Variants in CNTNAP2 observed in about 807,000 individuals in gnomAD.
The protein encoded by CNTNAP2 is contactin-associated protein-like 2.
A neutral mutation model predicts 155.2 loss-of-function variants in CNTNAP2; 98 were observed. The ratio of observed to expected loss-of-function variants is 0.63; its 90% confidence interval spans 0.54 to 0.75. CNTNAP2 has a LOEUF of 0.75. Among genes scored for constraint, CNTNAP2 ranks in the 30% least tolerant of loss-of-function variants. CNTNAP2 has a pLI of 0.00. For missense variants in CNTNAP2, 1,727 were observed against 1,688.1 expected (o/e 1.02, Z -0.40); for synonymous variants, 651 against 631.2 (o/e 1.03, Z -0.47).
chr7:146,302,793 T>C (rs1301907521), intron 1 of CNTNAP2, among the ~76,000 whole-genome samples: 1 of 152,170 alleles, frequency 6.6e-6, no homozygotes, highest in Non-Finnish European at 1.5e-5. Flanking sequence ...ACTATGTTAT[T>C]ACTTTGCTCT....
intron 1 of CNTNAP2, among the ~76,000 whole-genome samples, chr7:146,713,774 A>G (rs1003967108): frequency 2.6e-5 from 4 of 152,120 alleles, no homozygotes; most frequent in African/African-American, 4.8e-5. Context: ...AGCCTCTAGA[A>G]GCAGTAGATT....
intron 13 of CNTNAP2, among the ~76,000 whole-genome samples, chr7:147,669,663 C>T (rs904627608): frequency 2.0e-5 from 3 of 152,164 alleles, no homozygotes; most frequent in African/African-American, 7.2e-5. Flanking sequence ...TGGAGGGGCT[C>T]TGGGTGCCCG....
chr7:146,146,605 G>T (rs1348193943), intron 1 of CNTNAP2, among the ~76,000 whole-genome samples: 1 of 151,994 alleles, frequency 6.6e-6, no homozygotes, highest in African/African-American at 2.4e-5. Flanking sequence ...AAACCACCAA[G>T]ACCACCAGGC....
chr7:146,535,801 G>C (rs1007895548), intron 1 of CNTNAP2, among the ~76,000 whole-genome samples: 1 of 151,676 alleles, frequency 6.6e-6, no homozygotes, highest in Non-Finnish European at 1.5e-5. Flanking sequence ...ATTGTCTATT[G>C]TTCCCGTATT....
At chr7:146,531,779 A>G (rs1251394897) in intron 1 of CNTNAP2, among the ~76,000 whole-genome samples, 3 of 152,134 alleles carry the variant, frequency 2.0e-5, no homozygotes, top group African/African-American at 7.2e-5. Flanking sequence ...TCCTGACCTC[A>G]GATGATCCAC....
chr7:147,335,457 C>T lies in CNTNAP2; in HGVS notation c.1498+35167C>T, dbSNP rs1048426237. Among the ~76,000 whole-genome samples, 3 of 151,960 alleles carry T rather than the reference C, an allele frequency of 2.0e-5. No homozygotes were observed. In the East Asian group the frequency reaches 5.8e-4, roughly 29 times the overall value. Reference sequence around the variant, plus strand: ...CTAATTAGGTGCTTCGTTGAGATTGCAAAGGTTTAATTTTCTGGCTTCCAG... The same window carrying T: ...CTAATTAGGTGCTTCGTTGAGATTGTAAAGGTTTAATTTTCTGGCTTCCAG... On this transcript the variant is annotated intron_variant, in intron 9 of 23. Coordinates refer to ENST00000361727, the MANE Select transcript of CNTNAP2 (RefSeq NM_014141.6).
intron 14 of CNTNAP2, among the ~76,000 whole-genome samples, chr7:147,922,975 C>A (rs1470378496): frequency 6.6e-6 from 1 of 152,020 alleles, no homozygotes; most frequent in Non-Finnish European, 1.5e-5. Flanking sequence ...GAGTTTCCAG[C>A]AAGCATCAGC....
chr7:147,602,571 G>A (rs1800971884), intron 12 of CNTNAP2, among the ~76,000 whole-genome samples: 1 of 150,712 alleles, frequency 6.6e-6, no homozygotes, highest in Non-Finnish European at 1.5e-5. Context: ...CATGTGCCAT[G>A]CTGGTGTGCT....
intron 5 of CNTNAP2, among the ~76,000 whole-genome samples, chr7:147,114,638 C>CT (rs1800948569): frequency 6.6e-6 from 1 of 152,202 alleles, no homozygotes; most frequent in African/African-American, 2.4e-5. Flanking sequence ...GCAACCCCTG[C>CT]TTTTTTCTGT....
intron 1 of CNTNAP2, among the ~76,000 whole-genome samples, chr7:146,453,804 AT>A (rs1404332445): frequency 2.0e-5 from 3 of 152,182 alleles, no homozygotes; most frequent in Non-Finnish European, 4.4e-5. Flanking sequence ...CAGCTTAGAG[AT>A]TGTAAAGATG....
At chr7:148,383,502 G>A (rs1266312868) in intron 21 of CNTNAP2, 147 bp from the exon 22 acceptor site, 17 of 1,154,572 alleles carry the variant, frequency 1.5e-5, no homozygotes, top group Admixed American at 6.2e-5. Context: ...AAATCTTATC[G>A]ACCCATTAAT....
chr7:147,300,391 A>C (rs1794924690), intron 9 of CNTNAP2, 101 bp downstream of exon 9: 2 of 1,315,110 alleles, frequency 1.5e-6, no homozygotes, highest in Admixed American at 3.9e-5. Context: ...CAACTGACTC[A>C]GTAGATCTCA....
chr7:146,842,415 GTGAT>G (rs1453815692), intron 3 of CNTNAP2, among the ~76,000 whole-genome samples: 3 of 152,080 alleles, frequency 2.0e-5, no homozygotes, highest in African/African-American at 7.3e-5. Flanking sequence ...TACGTGATGA[GTGAT>G]TATTAGTAGT....
chr7:146,299,628 T>A (rs1800572897), intron 1 of CNTNAP2, among the ~76,000 whole-genome samples: 1 of 152,182 alleles, frequency 6.6e-6, no homozygotes, highest in East Asian at 1.9e-4. Context: ...TCACCAACAC[T>A]GGCCTCAAGC....
At chr7:148,016,116 C>T (rs1187215477) in intron 15 of CNTNAP2, among the ~76,000 whole-genome samples, 1 of 152,148 alleles carries the variant, frequency 6.6e-6, no homozygotes, top group Non-Finnish European at 1.5e-5. Flanking sequence ...AAGCACATGC[C>T]CTGGCAATTC....
intron 13 of CNTNAP2, among the ~76,000 whole-genome samples, chr7:147,862,083 T>C (rs1438503072): frequency 1.3e-5 from 2 of 150,444 alleles, no homozygotes; most frequent in Non-Finnish European, 2.9e-5. Context: ...AATGCAGCTA[T>C]AATCTAATCA....
chr7:146,669,344 C>A (rs900375850), intron 1 of CNTNAP2, among the ~76,000 whole-genome samples: 9 of 152,080 alleles, frequency 5.9e-5, no homozygotes, highest in Admixed American at 2.6e-4. Flanking sequence ...GAATAGAAAC[C>A]TATTTAATTT....
chr7:146,249,731 C>T (rs935194670), intron 1 of CNTNAP2, among the ~76,000 whole-genome samples: 34 of 152,014 alleles, frequency 2.2e-4, no homozygotes, highest in Non-Finnish European at 2.9e-4. Context: ...TTCATTATTA[C>T]GCTGTCATCA....
At chr7:147,326,756 G>T (rs1238186293) in intron 9 of CNTNAP2, among the ~76,000 whole-genome samples, 1 of 152,142 alleles carries the variant, frequency 6.6e-6, no homozygotes, top group Non-Finnish European at 1.5e-5. Context: ...GTGTGAAATG[G>T]TTTTCTTTCA....
Sources: gnomAD v4.1 joint callset for allele counts (sites outside exome capture counted in the v4.1 genomes callset) on GRCh38, gnomAD v4.1.1 for gene constraint, MANE v1.5 for transcripts, NCBI Gene and HGNC (gene_info 2026-07-23, HGNC 2026-07-21) for gene names.